The following KCNQ1 variants were observed in gnomAD, a reference collection of about 807,000 sequenced individuals.
KCNQ1 encodes the protein potassium voltage-gated channel subfamily Q member 1, also known as potassium voltage-gated channel subfamily KQT member 1.
In KCNQ1, 49 loss-of-function variants were observed where a neutral mutation model predicts 72.4. That is an observed-to-expected ratio of 0.68 (90% CI 0.54 to 0.86). The LOEUF (loss-of-function observed/expected upper bound fraction) is 0.86, where lower values mean the gene tolerates loss of function less well. Among genes scored for constraint, KCNQ1 ranks in the 40% least tolerant of loss-of-function variants. The pLI, the probability that KCNQ1 is intolerant of heterozygous loss-of-function variation, is 0.00. For missense variants in KCNQ1, 790 were observed against 945.1 expected (o/e 0.84, Z 2.15); for synonymous variants, 450 against 412.6 (o/e 1.09, Z -1.10).
rs188519510 is a variant in KCNQ1 at position 2,446,163 on chromosome 11, C to T, written c.386+679C>T. Among the ~76,000 whole-genome samples, 265 of 152,348 alleles carry T rather than the reference C, an allele frequency of 1.7e-3. 1 individual carries two copies. The highest frequency in any genetic ancestry group is 6.2e-3 in the African/African-American group (259 of 41,578). On this transcript the variant is annotated intron_variant, in intron 1 of 15. Coordinates refer to ENST00000155840, the MANE Select transcript of KCNQ1 (RefSeq NM_000218.3). The surrounding 1 kb of genome is among the most constrained non-coding windows in gnomAD (Gnocchi z 8.8). The stretch of plus-strand genomic sequence containing the variant: ...GCTGGTAGCAGAGGCACCTGGCCCC[C>T]CTGTTACCAGGTGGTTCCAATTCCC...
chr11:2,750,173 G>A lies in KCNQ1; in HGVS notation c.1515-18671G>A, dbSNP rs1373506558. On this transcript the variant is annotated intron_variant, in intron 11 of 15. Transcript: ENST00000155840. This position sits in a 1 kb window ranked among gnomAD's most constrained non-coding sequence, Gnocchi z 6.3. ...CTGTGGGCCCAGAGTCCAGGTCAGCGCCAGGGGCAGCAGGGGCTGGATCTC... is the reference window on the plus strand; with the variant it reads ...CTGTGGGCCCAGAGTCCAGGTCAGCACCAGGGGCAGCAGGGGCTGGATCTC... Among the ~76,000 whole-genome samples the A allele has an allele frequency of 3.3e-5, 5 of 152,142 alleles. No homozygotes were observed. Among genetic ancestry groups the A allele is most frequent in the East Asian group, 1.9e-4 (1 of 5,172 alleles).
rs1378727539 is a variant in KCNQ1, at chr11:2,764,460, A to C, written c.1515-4384A>C. On this transcript the variant is annotated intron_variant, in intron 11 of 15. Transcript: ENST00000155840. The surrounding 1 kb of genome is among the most constrained non-coding windows in gnomAD (Gnocchi z 4.8). ...GCAGCTTGCTGGTGGTGGTTAGGAT[A>C]TTTGCACGTATGTTCACGAGAGAGA... Among the ~76,000 whole-genome samples, 3 of 151,762 alleles carry C rather than the reference A, an allele frequency of 2.0e-5. No individual in the cohort carries two copies. The highest frequency in any genetic ancestry group is 4.4e-5 in the Non-Finnish European group (3 of 67,980).
chr11:2,627,021 C>T lies in KCNQ1; in HGVS notation c.1394-34940C>T. On this transcript the variant is annotated intron_variant, in intron 10 of 15. Coordinates refer to ENST00000155840, the MANE Select transcript of KCNQ1 (RefSeq NM_000218.3). This position sits in a 1 kb window ranked among gnomAD's most constrained non-coding sequence, Gnocchi z 4.9. ...TGTAGATTGTTTTGTGTGGTACTGA[C>T]ACCTTAACAATATTGGCCTTCCAAT... The T allele has an allele frequency of 2.5e-6, 1 of 398,530 alleles. No homozygotes were observed. Among genetic ancestry groups the T allele is most frequent in the Non-Finnish European group, 4.4e-6 (1 of 226,062 alleles). 24.7% of individuals were successfully genotyped at this position (398,530 alleles called of 1,614,324 possible). A position where few individuals can be genotyped will look rare whatever the true frequency, so the allele number is the denominator to read the frequency against.
At chr11:2,519,985 GCCAC>G (rs1294289773) in intron 1 of KCNQ1, among the ~76,000 whole-genome samples, 1 of 152,244 alleles carries the variant, frequency 6.6e-6, no homozygotes, top group Non-Finnish European at 1.5e-5. Context: ...GAGTGATGCC[GCCAC>G]CCACCCAGGA....
intron 10 of KCNQ1, chr11:2,641,825 A>G: frequency 2.5e-6 from 1 of 398,494 alleles, no homozygotes; most frequent in Non-Finnish European, 4.4e-6. Context: ...ATAGCAAGAG[A>G]TAGAAACGGT....
chr11:2,700,682 T>C (rs900389142), intron 11 of KCNQ1, among the ~76,000 whole-genome samples: 2 of 150,512 alleles, frequency 1.3e-5, no homozygotes, highest in Non-Finnish European at 1.5e-5. Context: ...GTGGCAGGGG[T>C]GGCCGGGACA....
At position 2,645,662 on chromosome 11, in the gene KCNQ1, G is replaced by A. The variant is rs970455723; in HGVS notation, c.1394-16299G>A. On this transcript the variant is annotated intron_variant, in intron 10 of 15. Coordinates refer to ENST00000155840, the MANE Select transcript of KCNQ1 (RefSeq NM_000218.3). The surrounding 1 kb of genome is among the most constrained non-coding windows in gnomAD (Gnocchi z 5.8). Reference sequence around the variant, plus strand: ...GCAGCCTTGCTTCGGAGGTAGCAGAGTATTGCCAATGGCTCATGCTTTGGC... The same window carrying A: ...GCAGCCTTGCTTCGGAGGTAGCAGAATATTGCCAATGGCTCATGCTTTGGC... The A allele has an allele frequency of 1.0e-5, 4 of 398,646 alleles. No individual in the cohort carries two copies. Among genetic ancestry groups the A allele is most frequent in the African/African-American group, 8.2e-5 (4 of 48,624 alleles). 24.7% of individuals were successfully genotyped at this position (398,646 alleles called of 1,614,324 possible).
chr11:2,629,981 T>A, intron 10 of KCNQ1: 1 of 396,942 alleles, frequency 2.5e-6, no homozygotes, highest in East Asian at 3.6e-5. Context: ...GGTGAGAATA[T>A]CTTTTTCTTG....
chr11:2,759,791 G>C lies in KCNQ1; in HGVS notation c.1515-9053G>C, dbSNP rs1007381615. Among the ~76,000 whole-genome samples the C allele has an allele frequency of 6.6e-6, 1 of 152,082 alleles. No individual in the cohort carries two copies. The highest frequency in any genetic ancestry group is 2.4e-5 in the African/African-American group (1 of 41,418). On this transcript the variant is annotated intron_variant, in intron 11 of 15. Coordinates refer to ENST00000155840, the MANE Select transcript of KCNQ1 (RefSeq NM_000218.3). The surrounding 1 kb of genome is among the most constrained non-coding windows in gnomAD (Gnocchi z 4.4). ...ACAGAGGTCCTGGGAGGGGCTGAAG[G>C]CTCAGGGACACAGGTGAGGCCAGCC...
intron 10 of KCNQ1, chr11:2,614,108 A>C (rs1472816266): frequency 2.5e-6 from 1 of 398,400 alleles, no homozygotes; most frequent in African/African-American, 2.1e-5. Context: ...AGCTATGCTC[A>C]CCATTCTTTG....
At chr11:2,728,828 C>T (rs1237426149) in intron 11 of KCNQ1, among the ~76,000 whole-genome samples, 1 of 152,200 alleles carries the variant, frequency 6.6e-6, no homozygotes, top group African/African-American at 2.4e-5. Flanking sequence ...GAGGGCCGGC[C>T]GCAGTGGATG....
Position 2,447,252 on chromosome 11 carries a change from C to T in KCNQ1, c.386+1768C>T, listed in dbSNP as rs900160503. ...TCAGCAAGAGTCTACCTTCGCCCAG[C>T]CTCCGCAGAGCTGGCAAGGCAGGGG... On this transcript the variant is annotated intron_variant, in intron 1 of 15. Coordinates refer to ENST00000155840, the MANE Select transcript of KCNQ1 (RefSeq NM_000218.3). The surrounding 1 kb of genome is among the most constrained non-coding windows in gnomAD (Gnocchi z 7.6). 6.6e-6 allele frequency among the ~76,000 whole-genome samples: 1 copy of T among 152,158 alleles called. No homozygotes were observed. Among genetic ancestry groups the T allele is most frequent in the African/African-American group, 2.4e-5 (1 of 41,440 alleles).
chr11:2,656,849 A>G (rs1055525788), intron 10 of KCNQ1: 52 of 398,494 alleles, frequency 1.3e-4, no homozygotes, highest in African/African-American at 1.0e-3. Context: ...TATGCTTTTC[A>G]TAGTTAGGTC....
At chr11:2,780,240 C>T (rs1846798462) in intron 15 of KCNQ1, among the ~76,000 whole-genome samples, 1 of 152,216 alleles carries the variant, frequency 6.6e-6, no homozygotes, top group Admixed American at 6.5e-5. Flanking sequence ...CTGACTGGTG[C>T]ACCCCTCAGG....
rs1286397904 is a variant in KCNQ1, at chr11:2,592,539, G to A, written c.1393+3685G>A. Among the ~76,000 whole-genome samples the A allele has an allele frequency of 6.6e-6, 1 of 152,214 alleles. No homozygotes were observed. Among genetic ancestry groups the A allele is most frequent in the Non-Finnish European group, 1.5e-5 (1 of 68,028 alleles). ...GGAGGGGAATGTCAGCAGCCACCCA[G>A]CCCGAGAGCCAGAGCACAGCAGGGG... On this transcript the variant is annotated intron_variant, in intron 10 of 15. Transcript: ENST00000155840. The surrounding 1 kb of genome is among the most constrained non-coding windows in gnomAD (Gnocchi z 5.2).
chr11:2,587,398 A>G (rs1848606621), intron 8 of KCNQ1, among the ~76,000 whole-genome samples, 172 bp from the exon 9 acceptor site: 1 of 152,188 alleles, frequency 6.6e-6, no homozygotes, highest in Admixed American at 6.5e-5. Flanking sequence ...CTGCCTGGGC[A>G]GAGGGTCTGG....
chr11:2,493,086 T>A lies in KCNQ1; in HGVS notation c.387-34842T>A, dbSNP rs1172082085. Among the ~76,000 whole-genome samples, 1 of 152,250 alleles carries A rather than the reference T, an allele frequency of 6.6e-6. No homozygotes were observed. The highest frequency in any genetic ancestry group is 2.4e-5 in the African/African-American group (1 of 41,468). On this transcript the variant is annotated intron_variant, in intron 1 of 15. Coordinates refer to ENST00000155840, the MANE Select transcript of KCNQ1 (RefSeq NM_000218.3). This position sits in a 1 kb window ranked among gnomAD's most constrained non-coding sequence, Gnocchi z 5.3. ...AGATGGTATCTCCTTGTGGTTTTGA[T>A]TTGCATTTCTCTGATGACCAGTAAT...
Position 2,603,942 on chromosome 11 carries a change from C to T in KCNQ1, c.1393+15088C>T, listed in dbSNP as rs1383325808. Reference sequence around the variant, plus strand: ...CTGACCTCAGGTGATCCGCCCACCTCGGCCTCCTAACCTGCTGGGACCACA... The same window carrying T: ...CTGACCTCAGGTGATCCGCCCACCTTGGCCTCCTAACCTGCTGGGACCACA... On this transcript the variant is annotated intron_variant, in intron 10 of 15. Transcript: ENST00000155840. The surrounding 1 kb of genome is among the most constrained non-coding windows in gnomAD (Gnocchi z 4.1). Among the ~76,000 whole-genome samples, 1 of 152,116 alleles carries T rather than the reference C, an allele frequency of 6.6e-6. No homozygotes were observed. Among genetic ancestry groups the T allele is most frequent in the Admixed American group, 6.5e-5 (1 of 15,272 alleles).
intron 11 of KCNQ1, among the ~76,000 whole-genome samples, chr11:2,716,709 G>A (rs1470001696): frequency 1.3e-5 from 2 of 152,230 alleles, no homozygotes; most frequent in Admixed American, 6.5e-5. Context: ...GAAGGCAGCC[G>A]TGAAAGGCAC....
Sources: gnomAD v4.1 joint callset for allele counts (sites outside exome capture counted in the v4.1 genomes callset) on GRCh38, gnomAD v4.1.1 for gene constraint, Gnocchi (gnomAD v3.1) non-coding constraint, MANE v1.5 for transcripts, NCBI Gene and HGNC (gene_info 2026-07-23, HGNC 2026-07-21) for gene names.